The following MYLK variants were observed in gnomAD, a reference collection of about 807,000 sequenced individuals.
MYLK encodes myosin light chain kinase, smooth muscle.
MYLK carries 106 observed loss-of-function variants against 203.4 expected under a neutral mutation model. That is an observed-to-expected ratio of 0.52 (90% CI 0.45 to 0.61). The LOEUF (loss-of-function observed/expected upper bound fraction) is 0.61. MYLK is among the 20% of genes least tolerant of loss of function. MYLK has a pLI of 0.00. For missense variants in MYLK, 2,072 were observed against 2,442.3 expected (o/e 0.85, Z 3.20); for synonymous variants, 867 against 959.5 (o/e 0.90, Z 1.78).
rs115034387 is a variant in MYLK at position 123,869,826 on chromosome 3, T to A, written c.-127+6733A>T. Among the ~76,000 whole-genome samples the A allele has an allele frequency of 6.7e-3, 1,015 of 152,268 alleles. 16 individuals are homozygous for A. Among genetic ancestry groups the A allele is most frequent in the African/African-American group, 0.024 (982 of 41,548 alleles). On this transcript the variant is annotated intron_variant, in intron 2 of 33. Coordinates refer to ENST00000360304, the MANE Select transcript of MYLK (RefSeq NM_053025.4). ...CATCTAATAAGTTCTTGAGCTGGGA[T>A]TGAAACCCAGGTCTGTTAGCTCCAG...
chr3:123,625,288 C>G (rs914725887), intron 31 of MYLK: 3 of 152,238 alleles, frequency 2.0e-5, no homozygotes, highest in African/African-American at 7.2e-5. Flanking sequence ...ATAGTTTATA[C>G]ATCTTGGTGC....
At chr3:123,692,365 G>C in intron 19 of MYLK, 2 of 1,174,138 alleles carry the variant, frequency 1.7e-6, no homozygotes, top group African/African-American at 1.6e-5. Flanking sequence ...CTGCCAGCTC[G>C]GACACTTGTT....
intron 2 of MYLK, among the ~76,000 whole-genome samples, chr3:123,860,646 T>C (rs2031808764): frequency 6.6e-6 from 1 of 152,218 alleles, no homozygotes; most frequent in African/African-American, 2.4e-5. Flanking sequence ...GAGCCCAAGA[T>C]GCTGTCACCT....
Position 123,692,867 on chromosome 3 carries a change from T to C in MYLK, c.3449-16A>G. ...CAGAGTGAGCCTGGGGAGGAAGAAT[T>C]GTGGAGTGAACCAGGTGTGGTCGTA... On this transcript the variant is annotated splice_polypyrimidine_tract_variant and intron_variant, in intron 18 of 33. Transcript: ENST00000360304. 2 of 1,606,126 alleles carry C rather than the reference T, an allele frequency of 1.2e-6. No homozygotes were observed. The highest frequency in any genetic ancestry group is 8.5e-7 in the Non-Finnish European group (1 of 1,173,016).
At chr3:123,845,840 C>T (rs1289216386) in intron 2 of MYLK, among the ~76,000 whole-genome samples, 1 of 152,088 alleles carries the variant, frequency 6.6e-6, no homozygotes, top group African/African-American at 2.4e-5. Flanking sequence ...TTAAAAAATT[C>T]CACCACCTCC....
At chr3:123,709,610 G>C in intron 14 of MYLK, 146 bp downstream of exon 14, 1 of 1,003,140 alleles carries the variant, frequency 1.0e-6, no homozygotes, top group Non-Finnish European at 1.6e-6. Context: ...GAGGACAAGA[G>C]TCTCCATTTC....
rs539074601 is a variant in MYLK, at chr3:123,635,353, C to T, written c.4961+2718G>A. ...TGGCGCCAATGTTTGTTTTCAGCAC[C>T]GCTCTCTGTTGAGAGCCCTGGCTTG... On this transcript the variant is annotated intron_variant, in intron 29 of 33. Transcript: ENST00000360304. Among the ~76,000 whole-genome samples the T allele has an allele frequency of 4.6e-5, 7 of 152,344 alleles. No homozygotes were observed. In the East Asian group the frequency reaches 9.6e-4, roughly 21 times the overall value.
intron 16 of MYLK, among the ~76,000 whole-genome samples, chr3:123,704,789 A>G (rs936010580): frequency 2.5e-4 from 38 of 149,200 alleles, no homozygotes; most frequent in Non-Finnish European, 4.0e-4. Flanking sequence ...GCGTGGTGGT[A>G]GGCACCTGTA....
At chr3:123,626,677 C>G (rs923221778) in intron 31 of MYLK, 141 bp downstream of exon 31, 82 of 1,178,974 alleles carry the variant, frequency 7.0e-5, no homozygotes, top group Non-Finnish European at 9.6e-5. Flanking sequence ...CCTTAATCAG[C>G]TGCCTAAATT....
intron 11 of MYLK, among the ~76,000 whole-genome samples, chr3:123,730,990 G>A (rs976897192): frequency 6.6e-6 from 1 of 152,112 alleles, no homozygotes; most frequent in African/African-American, 2.4e-5. Context: ...CCCATGACGC[G>A]AACAGGCTAA....
chr3:123,620,589 G>A (rs1030340647), intron 31 of MYLK: 1 of 1,288,698 alleles, frequency 7.8e-7, no homozygotes, highest in Non-Finnish European at 9.9e-7. Context: ...GACTAAACAA[G>A]GTCAACATGA....
intron 3 of MYLK, among the ~76,000 whole-genome samples, chr3:123,816,348 G>A (rs967054556): frequency 6.6e-6 from 1 of 152,264 alleles, no homozygotes; most frequent in Admixed American, 6.5e-5. Flanking sequence ...TATAATGGGG[G>A]GAAGATGGTA....
chr3:123,643,862 C>T (rs976184556), intron 27 of MYLK, among the ~76,000 whole-genome samples: 4 of 152,212 alleles, frequency 2.6e-5, no homozygotes, highest in Admixed American at 2.6e-4. Context: ...ATAAATTTTG[C>T]TAATAGTAGC....
chr3:123,709,142 T>TG lies in MYLK; in HGVS notation c.1943-248_1943-247insC. 2.4e-5 allele frequency: 8 copies of TG among 332,676 alleles called. No homozygotes were observed. In the South Asian group the frequency reaches 3.9e-4, roughly 16 times the overall value. The allele number at this position is 332,676 out of a possible 1,614,324, so 20.6% of individuals were successfully genotyped here. Reference sequence around the variant, plus strand: ...TGGGAAGTTCTCACATAATTTTTTTTTTTTTTTTTTTTTTTGAGACAGAGT... The same window carrying TG: ...TGGGAAGTTCTCACATAATTTTTTTTGTTTTTTTTTTTTTTTGAGACAGAGT... On this transcript the variant is annotated intron_variant, in intron 14 of 33. Coordinates refer to ENST00000360304, the MANE Select transcript of MYLK (RefSeq NM_053025.4).
At chr3:123,821,009 G>A (rs1272411274) in intron 3 of MYLK, among the ~76,000 whole-genome samples, 14 of 152,078 alleles carry the variant, frequency 9.2e-5, no homozygotes, top group African/African-American at 3.1e-4. Flanking sequence ...GATTACAGGC[G>A]TGAGCCACCA....
intron 19 of MYLK, among the ~76,000 whole-genome samples, chr3:123,689,939 G>A (rs1320799515): frequency 6.6e-6 from 1 of 152,172 alleles, no homozygotes; most frequent in Non-Finnish European, 1.5e-5. Flanking sequence ...TATGATATGA[G>A]GGAATCAGTA....
intron 23 of MYLK, chr3:123,659,741 A>G: frequency 1.9e-6 from 1 of 514,488 alleles, no homozygotes; most frequent in South Asian, 1.4e-5. Context: ...CTTGTCCTCC[A>G]CGGCGACACA....
intron 5 of MYLK, among the ~76,000 whole-genome samples, 158 bp downstream of exon 5, chr3:123,752,173 T>C (rs1008239563): frequency 6.6e-6 from 1 of 152,116 alleles, no homozygotes; most frequent in African/African-American, 2.4e-5. Flanking sequence ...AGGGACCACA[T>C]CTCTCCCATT....
chr3:123,764,854 T>C (rs1304652056), intron 4 of MYLK, among the ~76,000 whole-genome samples: 5 of 152,192 alleles, frequency 3.3e-5, no homozygotes, highest in African/African-American at 7.2e-5. Flanking sequence ...CATCATTGCC[T>C]ACTCTCCTAA....
Sources: allele counts gnomAD v4.1 joint callset (sites outside exome capture counted in the v4.1 genomes callset), GRCh38; gene constraint gnomAD v4.1.1; transcripts MANE v1.5; gene names NCBI Gene and HGNC (gene_info 2026-07-23, HGNC 2026-07-21).